SPNS3: variants seen among roughly 807,000 people sequenced by gnomAD.
SPNS3 encodes protein spinster homolog 3.
Under a neutral mutation model 54.4 loss-of-function variants are expected in SPNS3, and 51 were observed. The observed-to-expected ratio is 0.94, with a 90% CI of 0.75 to 1.18. The LOEUF (loss-of-function observed/expected upper bound fraction) is 1.18. Among genes scored for constraint, SPNS3 ranks in the 50% most tolerant of loss-of-function variants. The pLI is 0.00. For missense variants in SPNS3, 669 were observed against 677.4 expected (o/e 0.99, Z 0.14); for synonymous variants, 309 against 294.7 (o/e 1.05, Z -0.50).
intron 8 of SPNS3, among the ~76,000 whole-genome samples, chr17:4,464,047 CTG>C (rs1971615041): frequency 6.6e-6 from 1 of 152,176 alleles, no homozygotes; most frequent in Non-Finnish European, 1.5e-5. Context: ...TTTGGTGGCA[CTG>C]TGTGTCTGTT....
At chr17:4,446,024 G>A (rs372159893) in intron 3 of SPNS3, 24 bp from the exon 4 acceptor site, 81 of 1,582,556 alleles carry the variant, frequency 5.1e-5, no homozygotes, top group Middle Eastern at 3.8e-4. Flanking sequence ...GGAACTCACC[G>A]TGGTCTTGTG....
chr17:4,452,017 A>C (rs1567559846), intron 7 of SPNS3, among the ~76,000 whole-genome samples: 1 of 152,012 alleles, frequency 6.6e-6, no homozygotes, highest in Non-Finnish European at 1.5e-5. Flanking sequence ...GAGGTTGCAC[A>C]ATGGACCAGG....
chr17:4,487,979 G>C lies in SPNS3; in HGVS notation c.*85G>C. The C allele has an allele frequency of 8.2e-7, 1 of 1,216,218 alleles. No individual in the cohort carries two copies. The highest frequency in any genetic ancestry group is 1.3e-5 in the South Asian group (1 of 78,816). 75.3% of individuals were successfully genotyped at this position (1,216,218 alleles called of 1,614,324 possible). On this transcript the variant is annotated 3_prime_UTR_variant, in exon 12 of 12. Coordinates refer to ENST00000355530, the MANE Select transcript of SPNS3 (RefSeq NM_182538.5). ...CCTCGGTTCCTCTTTGGCTGTCCTC[G>C]GGGACTCCGGCTGAGGCACATCTGC...
Position 4,453,072 on chromosome 17 carries a change from C to T in SPNS3, c.980C>T (p.Ala327Val). ...GGCGTCATTGGGGTCATCTTGGGGG[C>T]AGAAGCTGCGAGGAGGTACAAGAAA... ...MTGVIGVILG[A>V]EAARRYKKVI... The change falls in exon 8 of 12, where the codon GCA (alanine) becomes GTA (valine). Residue 327 changes from alanine to valine, a missense_variant. Ala to Val is a moderately conservative substitution (Grantham distance 64, BLOSUM62 0). Transcript: ENST00000355530. The T allele has an allele frequency of 6.2e-7, 1 of 1,614,026 alleles. No individual in the cohort carries two copies. The highest frequency in any genetic ancestry group is 1.1e-5 in the South Asian group (1 of 91,076).
chr17:4,486,667 AGTTT>A lies in SPNS3; in HGVS notation c.1450+92_1450+95del, dbSNP rs911690485. 2.4e-5 allele frequency: 34 copies of A among 1,409,600 alleles called. No homozygotes were observed. Among genetic ancestry groups the A allele is most frequent in the Non-Finnish European group, 3.1e-5 (32 of 1,043,546 alleles). The allele number at this position is 1,409,600 out of a possible 1,614,324, so 87.3% of individuals were successfully genotyped here. On this transcript the variant is annotated intron_variant, in intron 11 of 11. Transcript: ENST00000355530. This position sits in a 1 kb window ranked among gnomAD's most constrained non-coding sequence, Gnocchi z 5.5. Reference sequence around the variant, plus strand: ...CTGGCCACCCCCTGAATCCCTGGCCAGTTTGTTTGTTCATTCATCCAGAAATGCT... The same window carrying A: ...CTGGCCACCCCCTGAATCCCTGGCCAGTTTGTTCATTCATCCAGAAATGCT...
At chr17:4,452,889 C>A (rs941661354) in intron 7 of SPNS3, 127 bp from the exon 8 acceptor site, 1 of 877,600 alleles carries the variant, frequency 1.1e-6, no homozygotes, top group Non-Finnish European at 1.7e-6. Flanking sequence ...GGCCCACAGC[C>A]ATATTCCCTG....
intron 8 of SPNS3, among the ~76,000 whole-genome samples, chr17:4,463,029 T>TA (rs1200477325): frequency 6.6e-6 from 1 of 151,934 alleles, no homozygotes; most frequent in African/African-American, 2.4e-5. Flanking sequence ...CTCCAAACTC[T>TA]TCTTGGGTGG....
intron 8 of SPNS3, among the ~76,000 whole-genome samples, chr17:4,458,742 C>T (rs1449308644): frequency 6.6e-6 from 1 of 150,544 alleles, no homozygotes; most frequent in African/African-American, 2.5e-5. Context: ...TGGTCTTGAA[C>T]TCCTGGCCTC....
rs151054880 is a variant in SPNS3 at position 4,443,541 on chromosome 17, T to C, written c.266-1491T>C. Among the ~76,000 whole-genome samples, 452 of 152,298 alleles carry C rather than the reference T, an allele frequency of 3.0e-3. 7 individuals carry two copies. The highest frequency in any genetic ancestry group is 0.021 in the Admixed American group (320 of 15,282). ...AATAATAGATAACATTTATTGGACA[T>C]TTACATGAAGCTATGCAGATAACTT... is the stretch of plus-strand genomic sequence containing the variant. On this transcript the variant is annotated intron_variant, in intron 2 of 11. Coordinates refer to ENST00000355530, the MANE Select transcript of SPNS3 (RefSeq NM_182538.5).
At chr17:4,468,100 C>A (rs901963776) in intron 8 of SPNS3, among the ~76,000 whole-genome samples, 1 of 152,258 alleles carries the variant, frequency 6.6e-6, no homozygotes, top group Non-Finnish European at 1.5e-5. Context: ...AGCTTATGGA[C>A]CACGTGGTTT....
At chr17:4,481,706 CCT>C (rs1259028992) in intron 9 of SPNS3, among the ~76,000 whole-genome samples, 5 of 152,154 alleles carry the variant, frequency 3.3e-5, no homozygotes, top group Non-Finnish European at 7.4e-5. Flanking sequence ...AGTGACTGAA[CCT>C]CTCTGGGTCT....
chr17:4,446,219 C>A lies in SPNS3; in HGVS notation c.554+20C>A. ...TGGAAGGTTGGTATCACCCGTGGGT[C>A]TACTTCCCCAGGTGGTAAACTGAGG... is the stretch of plus-strand genomic sequence containing the variant. On this transcript the variant is annotated intron_variant, in intron 4 of 11. Coordinates refer to ENST00000355530, the MANE Select transcript of SPNS3 (RefSeq NM_182538.5). The A allele has an allele frequency of 6.3e-7, 1 of 1,594,872 alleles. No homozygotes were observed. Among genetic ancestry groups the A allele is most frequent in the South Asian group, 1.1e-5 (1 of 89,482 alleles).
chr17:4,477,941 C>T (rs376604177), intron 8 of SPNS3, among the ~76,000 whole-genome samples: 219 of 146,578 alleles, frequency 1.5e-3, no homozygotes, highest in African/African-American at 5.3e-3. Flanking sequence ...ACTCTTTGTC[C>T]TCTAAAGTCT....
chr17:4,467,044 G>T (rs1454189031), intron 8 of SPNS3, among the ~76,000 whole-genome samples: 2 of 152,004 alleles, frequency 1.3e-5, no homozygotes, highest in East Asian at 1.9e-4. Context: ...CAGTCCATGC[G>T]GAGGGCAGCC....
At chr17:4,480,138 A>G (rs1018470021) in intron 9 of SPNS3, among the ~76,000 whole-genome samples, 1 of 152,098 alleles carries the variant, frequency 6.6e-6, no homozygotes, top group Non-Finnish European at 1.5e-5. Context: ...CCCACGGCCC[A>G]GGCCCAGCGA....
At chr17:4,445,989 G>A (rs775071393) in intron 3 of SPNS3, 59 bp from the exon 4 acceptor site, 37 of 1,538,756 alleles carry the variant, frequency 2.4e-5, no homozygotes, top group Non-Finnish European at 3.2e-5. Flanking sequence ...AAACCCTCGG[G>A]TCCCTGGCCC....
chr17:4,443,370 T>A (rs901134210), intron 2 of SPNS3, among the ~76,000 whole-genome samples: 1 of 152,156 alleles, frequency 6.6e-6, no homozygotes, highest in Non-Finnish European at 1.5e-5. Context: ...CGCGTCCAGC[T>A]GGGAAATAGT....
chr17:4,487,731 C>G (rs1054539086), intron 11 of SPNS3, 75 bp from the exon 12 acceptor site: 5 of 1,336,474 alleles, frequency 3.7e-6, no homozygotes, highest in African/African-American at 1.4e-5. Flanking sequence ...CCTGACAGCC[C>G]GTGCCCAGGC....
In SPNS3 at chr17:4,486,314, T is replaced by C. The variant is rs1473314949; in HGVS notation, c.1266T>C (p.Tyr422=). 6.3e-7 allele frequency: 1 copy of C among 1,598,238 alleles called. No homozygotes were observed. Among genetic ancestry groups the C allele is most frequent in the South Asian group, 1.1e-5 (1 of 88,744 alleles). ...TCCTGGGAGACGCTGGCAGCCCCTATCTCACAGGACTTGTAAGACGTGTCT... is the reference window on the plus strand; with the variant it reads ...TCCTGGGAGACGCTGGCAGCCCCTACCTCACAGGACTTGTAAGACGTGTCT... ...GHILGDAGSP[Y]LTGLISSVLR... is the part of the protein sequence containing the mutation. Residue 422 remains tyrosine, a synonymous_variant, in exon 10 of 12, where the codon TAT becomes TAC. Transcript: ENST00000355530. The surrounding 1 kb of genome is among the most constrained non-coding windows in gnomAD (Gnocchi z 5.5).
Sources: gnomAD v4.1 joint callset for allele counts (sites outside exome capture counted in the v4.1 genomes callset) on GRCh38, gnomAD v4.1.1 for gene constraint, Gnocchi (gnomAD v3.1) non-coding constraint, MANE v1.5 for transcripts, NCBI Gene and HGNC (gene_info 2026-07-23, HGNC 2026-07-21) for gene names.